Variants in DLGAP4 observed in about 807,000 individuals in gnomAD.
DLGAP4 encodes disks large-associated protein 4.
In DLGAP4, 18 loss-of-function variants were observed where a neutral mutation model predicts 86.9. That is an observed-to-expected ratio of 0.21 (90% confidence interval 0.14 to 0.31). DLGAP4 has a LOEUF of 0.31. DLGAP4 is among the 10% of genes least tolerant of loss of function. The pLI is 1.00. For synonymous variants in DLGAP4, 548 were observed against 574.3 expected, an observed-to-expected ratio of 0.95 and a Z score of 0.65; for missense variants, 1,085 against 1,362.6, an observed-to-expected ratio of 0.80 and a Z score of 3.21.
At chr20:36,455,301 C>T (rs2033851723) in intron 7 of DLGAP4, among the ~76,000 whole-genome samples, 1 of 152,028 alleles carries the variant, frequency 6.6e-6, no homozygotes, top group African/African-American at 2.4e-5. Flanking sequence ...CCTTCCCTCT[C>T]AGTTTCTGGC....
In DLGAP4 at chr20:36,432,761, C is replaced by T. The variant is rs771278647; in HGVS notation, c.999+45C>T. 3.9e-5 allele frequency: 63 copies of T among 1,600,322 alleles called. No individual in the cohort carries two copies. The highest frequency in any genetic ancestry group is 2.9e-4 in the South Asian group (26 of 88,654). ...AGGGGTGGGATGAGGGCTCTGGGGA[C>T]GGCACCAGTTTTGAGGCCTAGACGT... On this transcript the variant is annotated intron_variant, in intron 3 of 12. Transcript: ENST00000339266. This position sits in a 1 kb window ranked among gnomAD's most constrained non-coding sequence, Gnocchi z 6.5.
At chr20:36,514,518 C>G (rs2036922738) in intron 10 of DLGAP4, among the ~76,000 whole-genome samples, 1 of 152,082 alleles carries the variant, frequency 6.6e-6, no homozygotes, top group South Asian at 2.1e-4. Flanking sequence ...TCCACTGATC[C>G]TCCCACCCCA....
intron 1 of DLGAP4, among the ~76,000 whole-genome samples, chr20:36,335,982 G>A (rs981058903): frequency 3.3e-5 from 5 of 152,174 alleles, no homozygotes; most frequent in African/African-American, 7.2e-5. Context: ...AGGATGACAG[G>A]TTCCTGTTTC....
At chr20:36,483,240 G>A (rs548221372) in intron 7 of DLGAP4, among the ~76,000 whole-genome samples, 1 of 152,304 alleles carries the variant, frequency 6.6e-6, no homozygotes, top group Non-Finnish European at 1.5e-5. Flanking sequence ...GGATATGGCT[G>A]CAGTGGTAGT....
chr20:36,484,895 A>G (rs985155366), intron 7 of DLGAP4, among the ~76,000 whole-genome samples: 1 of 152,260 alleles, frequency 6.6e-6, no homozygotes, highest in African/African-American at 2.4e-5. Context: ...TTGAAAATTC[A>G]GAGGAGTTTT....
At position 36,393,133 on chromosome 20, in the gene DLGAP4, C is replaced by CTTGACCAA. The variant is rs2031839326; in HGVS notation, c.-73+25858_-73+25859insTTGACCAA. ...AGGGGTTTGGTTTTGGTCAAGAGCTCAGGGGTGAGACTAGGGTGGGACTGG... is the reference window on the plus strand; with the variant it reads ...AGGGGTTTGGTTTTGGTCAAGAGCTCTTGACCAAAGGGGTGAGACTAGGGTGGGACTGG... On this transcript the variant is annotated intron_variant, in intron 2 of 12. Transcript: ENST00000339266. The surrounding 1 kb of genome is among the most constrained non-coding windows in gnomAD (Gnocchi z 4.4). Among the ~76,000 whole-genome samples the CTTGACCAA allele has an allele frequency of 6.6e-6, 1 of 151,542 alleles. No individual in the cohort carries two copies. Among genetic ancestry groups the CTTGACCAA allele is most frequent in the African/African-American group, 2.4e-5 (1 of 41,168 alleles).
In DLGAP4 at chr20:36,469,848, CCTT is replaced by C. The variant is rs548179236; in HGVS notation, c.1648+22914_1648+22916del. Among the ~76,000 whole-genome samples, 220 of 152,130 alleles carry C rather than the reference CCTT, an allele frequency of 1.4e-3. 2 individuals carry two copies. Among genetic ancestry groups the C allele is most frequent in the East Asian group, 3.7e-3 (19 of 5,178 alleles). On this transcript the variant is annotated intron_variant, in intron 7 of 12. Coordinates refer to ENST00000339266, the MANE Select transcript of DLGAP4 (RefSeq NM_001365621.2). ...GCATCTCAGCAGAAGGCCATCTGCT[CCTT>C]CTCCCTGGGGGAACGTTGCCCAAGG...
chr20:36,350,257 A>G lies in DLGAP4; in HGVS notation c.-303-16788A>G, dbSNP rs554257547. On this transcript the variant is annotated intron_variant, in intron 1 of 12. Transcript: ENST00000339266. The surrounding 1 kb of genome is among the most constrained non-coding windows in gnomAD (Gnocchi z 4.4). ...CGGCATCAGTTTCTCTTTGTGTGCT[A>G]GAGACAGTTTCCTTGTGGATATAGG... Among the ~76,000 whole-genome samples the G allele has an allele frequency of 6.6e-6, 1 of 152,272 alleles. No individual in the cohort carries two copies. The highest frequency in any genetic ancestry group is 2.1e-4 in the South Asian group (1 of 4,826).
At chr20:36,435,194 GAT>G (rs2033238659) in intron 3 of DLGAP4, among the ~76,000 whole-genome samples, 1 of 152,134 alleles carries the variant, frequency 6.6e-6, no homozygotes, top group South Asian at 2.1e-4. Flanking sequence ...TACATTTTGA[GAT>G]ATGTGTACAG....
chr20:36,394,861 G>C (rs1314174798), intron 2 of DLGAP4, among the ~76,000 whole-genome samples: 1 of 152,188 alleles, frequency 6.6e-6, no homozygotes, highest in Non-Finnish European at 1.5e-5. Flanking sequence ...CGTGGAAAGA[G>C]AGGGCCCTAG....
At chr20:36,374,371 G>T (rs552202494) in intron 2 of DLGAP4, among the ~76,000 whole-genome samples, 67 of 152,334 alleles carry the variant, frequency 4.4e-4, no homozygotes, top group African/African-American at 1.3e-3. Context: ...CCTAAACTGA[G>T]TAGCCAACCA....
Position 36,436,327 on chromosome 20 carries a change from G to A in DLGAP4, c.1218G>A (p.Leu406=). Residue 406 remains leucine (L), a synonymous_variant, in exon 4 of 13, where the codon CTG becomes CTA. Transcript: ENST00000339266. ...QSYLRATQQS[L]GEQSNPRRSL... ...ATCTGAGGGCCACGCAGCAGTCGCT[G>A]GGAGAGCAGAGCAACCCCCGCAGGT... is the stretch of plus-strand genomic sequence containing the variant. 6.2e-7 allele frequency: 1 copy of A among 1,600,606 alleles called. No homozygotes were observed.
At chr20:36,442,700 A>G in intron 5 of DLGAP4, 27 bp from the exon 6 acceptor site, 2 of 1,584,560 alleles carry the variant, frequency 1.3e-6, no homozygotes, top group East Asian at 4.5e-5. Context: ...TGGTCCTTCC[A>G]TAACCCTCAC....
intron 1 of DLGAP4, among the ~76,000 whole-genome samples, chr20:36,316,026 G>C (rs1292175322): frequency 1.3e-5 from 2 of 152,196 alleles, no homozygotes; most frequent in Non-Finnish European, 2.9e-5. Flanking sequence ...GGTCCTGGAG[G>C]CCAGCGGGAA....
intron 3 of DLGAP4, among the ~76,000 whole-genome samples, chr20:36,434,272 C>A (rs527998185): frequency 6.6e-6 from 1 of 152,096 alleles, no homozygotes; most frequent in African/African-American, 2.4e-5. Context: ...AGATGATCTT[C>A]GGGGTCTAAC....
intron 2 of DLGAP4, among the ~76,000 whole-genome samples, chr20:36,387,757 C>T (rs901510667): frequency 2.0e-5 from 3 of 152,170 alleles, no homozygotes; most frequent in African/African-American, 7.2e-5. Context: ...ACACCCTGTC[C>T]TTTTCTCACT....
intron 1 of DLGAP4, among the ~76,000 whole-genome samples, chr20:36,337,859 T>C (rs1188792636): frequency 3.9e-5 from 6 of 152,206 alleles, no homozygotes; most frequent in Non-Finnish European, 8.8e-5. Context: ...GATGTCAGCC[T>C]GCTGGGCACC....
At chr20:36,315,013 G>A (rs1230882939) in intron 1 of DLGAP4, among the ~76,000 whole-genome samples, 8 of 4,662 alleles carry the variant, frequency 1.7e-3, no homozygotes, top group East Asian at 0.014. Context: ...TGTGTGGTGC[G>A]TGTGTGGTGG....
At chr20:36,356,929 T>G (rs185580259) in intron 1 of DLGAP4, among the ~76,000 whole-genome samples, 4 of 152,220 alleles carry the variant, frequency 2.6e-5, no homozygotes, top group African/African-American at 7.2e-5. Context: ...TTGGATTGAT[T>G]TTTTAGTCTA....
Sources: allele counts gnomAD v4.1 joint callset (sites outside exome capture counted in the v4.1 genomes callset), GRCh38; gene constraint gnomAD v4.1.1; non-coding constraint Gnocchi (gnomAD v3.1); transcripts MANE v1.5; gene names NCBI Gene and HGNC (gene_info 2026-07-23, HGNC 2026-07-21).